THRAP3: variants seen among roughly 807,000 people sequenced by gnomAD.
THRAP3 encodes thyroid hormone receptor-associated protein 3.
A neutral mutation model predicts 101.0 loss-of-function variants in THRAP3; 16 were observed. The ratio of observed to expected loss-of-function variants is 0.16; its 90% CI spans 0.11 to 0.24. The LOEUF is 0.24. THRAP3 is among the 10% of genes least tolerant of loss of function. The pLI is 1.00. For missense variants in THRAP3, 989 were observed against 1,202.7 expected (o/e 0.82, Z 2.63); for synonymous variants, 407 against 422.6 (o/e 0.96, Z 0.45).
upstream of THRAP3, among the ~76,000 whole-genome samples, chr1:36,221,026 T>G (rs1275342301): frequency 7.0e-6 from 1 of 142,100 alleles, no homozygotes; most frequent in East Asian, 2.0e-4. Flanking sequence ...ACAAAATAAT[T>G]TTTACAATTT....
At chr1:36,235,509 GATT>G (rs1376497442) in intron 1 of THRAP3, among the ~76,000 whole-genome samples, 1 of 152,120 alleles carries the variant, frequency 6.6e-6, no homozygotes, top group East Asian at 1.9e-4. Context: ...TTGAAAATTA[GATT>G]ATTAATACTG....
At chr1:36,235,160 G>T (rs754921112) in intron 1 of THRAP3, among the ~76,000 whole-genome samples, 1 of 152,036 alleles carries the variant, frequency 6.6e-6, no homozygotes, top group African/African-American at 2.4e-5. Context: ...GCTGCAGGGG[G>T]GGTTATTGTG....
Position 36,289,567 on chromosome 1 carries a change from G to A in THRAP3, c.1548G>A (p.Val516=), listed in dbSNP as rs530970643. The change falls in exon 5 of 12, where the codon GTG becomes GTA. Residue 516 remains valine (V), a synonymous_variant. Coordinates refer to ENST00000354618, the MANE Select transcript of THRAP3 (RefSeq NM_005119.4). ...KRSEGGHRGF[V]PEKNFRVTAY... is the part of the protein sequence containing the mutation. ...GCGAAGGTGGGCACAGGGGCTTTGT[G>A]CCTGAGAAGAATTTCCGAGTGACTG... 1.9e-6 allele frequency: 3 copies of A among 1,614,078 alleles called. No homozygotes were observed. The highest frequency in any genetic ancestry group is 1.7e-5 in the Admixed American group (1 of 59,978).
rs58306701 is a variant in THRAP3, at chr1:36,253,760, A to ATTTTTTTTTT, written c.-134-5612_-134-5603dup. ...AGGCGTACACCATTGAGTCAGGCTA[A>ATTTTTTTTTT]TTTTTTTTTTTTTTTTTTTAGTTTT... On this transcript the variant is annotated intron_variant, in intron 1 of 11. Transcript: ENST00000354618. 2.6e-4 allele frequency among the ~76,000 whole-genome samples: 26 copies of ATTTTTTTTTT among 100,210 alleles called. 2 individuals carry two copies. The highest frequency in any genetic ancestry group is 6.9e-4 in the Admixed American group (6 of 8,736). 65.7% of individuals were successfully genotyped at this position (100,210 alleles called of 152,430 possible).
intron 3 of THRAP3, among the ~76,000 whole-genome samples, chr1:36,284,190 T>C (rs1309190379): frequency 6.6e-6 from 1 of 152,244 alleles, no homozygotes; most frequent in Non-Finnish European, 1.5e-5. Flanking sequence ...CTGAAGTATT[T>C]ATGACAGCTG....
chr1:36,255,439 G>T (rs1645360494), intron 1 of THRAP3, among the ~76,000 whole-genome samples: 1 of 151,866 alleles, frequency 6.6e-6, no homozygotes, highest in Non-Finnish European at 1.5e-5. Flanking sequence ...ACCAGCCTGG[G>T]CAACATAGTG....
chr1:36,291,260 G>A, intron 5 of THRAP3, 114 bp from the exon 6 acceptor site: 1 of 1,122,454 alleles, frequency 8.9e-7, no homozygotes. Flanking sequence ...ACTTCGGTAG[G>A]AAGAAAAGAA....
chr1:36,301,463 A>G, intron 10 of THRAP3, 90 bp from the exon 11 acceptor site: 1 of 1,502,746 alleles, frequency 6.7e-7, no homozygotes, highest in Non-Finnish European at 9.0e-7. Context: ...TCTATTCCAC[A>G]CCAGAAAAAT....
At chr1:36,291,819 G>A (rs1165105684) in intron 6 of THRAP3, among the ~76,000 whole-genome samples, 1 of 152,170 alleles carries the variant, frequency 6.6e-6, no homozygotes, top group Non-Finnish European at 1.5e-5. Flanking sequence ...GAAGCCAATA[G>A]CAAAATGACT....
At chr1:36,210,705 A>ATATG in the THRAP3 span, among the ~76,000 whole-genome samples, 1 of 3,042 alleles carries the variant, frequency 3.3e-4, no homozygotes, top group Non-Finnish European at 5.0e-4. Flanking sequence ...AAAAAAAAGT[A>ATATG]TATATATATA....
At chr1:36,225,688 C>G (rs1238526413) in intron 1 of THRAP3, among the ~76,000 whole-genome samples, 2 of 151,922 alleles carry the variant, frequency 1.3e-5, no homozygotes, top group African/African-American at 2.4e-5. Context: ...TTCTGTAATT[C>G]TAGACAGTCT....
intron 3 of THRAP3, among the ~76,000 whole-genome samples, chr1:36,284,767 GA>G (rs939373151): frequency 6.6e-6 from 1 of 152,214 alleles, no homozygotes; most frequent in African/African-American, 2.4e-5. Context: ...AGTAGCCTGT[GA>G]GGATGGGAAC....
At chr1:36,275,401 C>G (rs1235345065) in intron 2 of THRAP3, among the ~76,000 whole-genome samples, 1 of 150,056 alleles carries the variant, frequency 6.7e-6, no homozygotes, top group Non-Finnish European at 1.5e-5. Context: ...TCCTGGCTAA[C>G]ATGGCGAAAC....
rs370399152 is a variant in THRAP3, at chr1:36,283,770, A to G, written c.137+1070A>G. Reference sequence around the variant, plus strand: ...GTCAGTGATTAAACTTTTACTCTTGATGATTTCCAGAGCCCTATAGTACTT... The same window carrying G: ...GTCAGTGATTAAACTTTTACTCTTGGTGATTTCCAGAGCCCTATAGTACTT... On this transcript the variant is annotated intron_variant, in intron 3 of 11. Transcript: ENST00000354618. Among the ~76,000 whole-genome samples, 11 of 152,304 alleles carry G rather than the reference A, an allele frequency of 7.2e-5. No individual in the cohort carries two copies. The South Asian group carries it at 1.2e-3, about 17-fold the overall frequency.
intron 1 of THRAP3, among the ~76,000 whole-genome samples, chr1:36,245,370 T>C (rs1177311548): frequency 6.6e-6 from 1 of 151,948 alleles, no homozygotes. Flanking sequence ...GGTTTCACCA[T>C]TTTGGCCAGG....
At chr1:36,251,001 C>A (rs934107171) in intron 1 of THRAP3, among the ~76,000 whole-genome samples, 1 of 152,018 alleles carries the variant, frequency 6.6e-6, no homozygotes, top group Non-Finnish European at 1.5e-5. Flanking sequence ...CCCACCTTGG[C>A]CTTCCAAAGT....
At chr1:36,214,011 AAAGAAAGAAAGAAAGAAAGAAAGAAAG>A in the THRAP3 span, among the ~76,000 whole-genome samples, 1 of 90,410 alleles carries the variant, frequency 1.1e-5, no homozygotes, top group African/African-American at 4.5e-5. Flanking sequence ...AGAAAGAAAG[AAAGAAAGAAAGAAAGAAAGAAAGAAAG>A]AAAGAAAGAA....
Position 36,288,009 on chromosome 1 carries a change from T to A in THRAP3, c.1040+739T>A, listed in dbSNP as rs765841986. The A allele has an allele frequency of 5.4e-4, 515 of 954,860 alleles. 8 individuals carry two copies. Among genetic ancestry groups the A allele is most frequent in the Non-Finnish European group, 2.8e-4 (222 of 802,232 alleles). The allele number at this position is 954,860 out of a possible 1,614,324, so 59.1% of individuals were successfully genotyped here. ...AGTGGCTCCCCCTTTTTTTTTCTTT[T>A]ATCGTATTTAGCATGTTTTTTGATC... On this transcript the variant is annotated intron_variant, in intron 4 of 11. Transcript: ENST00000354618.
At position 36,304,700 on chromosome 1, in the gene THRAP3, C is replaced by G. The variant is rs573074879; in HGVS notation, c.*683C>G. 2 of 216,780 alleles carry G rather than the reference C, an allele frequency of 9.2e-6. No homozygotes were observed. Among genetic ancestry groups the G allele is most frequent in the South Asian group, 3.7e-4 (2 of 5,374 alleles). 13.4% of individuals were successfully genotyped at this position (216,780 alleles called of 1,614,324 possible). ...ATGTATCACGTGGAGTTGCTCCTTACCACACCTCACGTGCCCCTGAGCCCT... is the reference window on the plus strand; with the variant it reads ...ATGTATCACGTGGAGTTGCTCCTTAGCACACCTCACGTGCCCCTGAGCCCT... On this transcript the variant is annotated 3_prime_UTR_variant, in exon 12 of 12. Transcript: ENST00000354618.
Sources: allele counts gnomAD v4.1 joint callset (sites outside exome capture counted in the v4.1 genomes callset), GRCh38; gene constraint gnomAD v4.1.1; transcripts MANE v1.5; gene names NCBI Gene and HGNC (gene_info 2026-07-23, HGNC 2026-07-21).